Variants in GRXCR1 observed in about 807,000 individuals in gnomAD.
GRXCR1 encodes glutaredoxin and cysteine rich domain containing 1, also known as glutaredoxin domain-containing cysteine-rich protein 1.
GRXCR1 carries 27 observed loss-of-function variants against 27.3 expected under a neutral mutation model. The observed-to-expected ratio is 0.99, with a 90% CI of 0.73 to 1.37. GRXCR1 has a LOEUF of 1.37. Among genes scored for constraint, GRXCR1 ranks in the 40% most tolerant of loss-of-function variants. GRXCR1 has a pLI of 0.00. For synonymous variants in GRXCR1, 122 were observed against 131.1 expected (o/e 0.93, Z 0.47); for missense variants, 379 against 354.4 (o/e 1.07, Z -0.56).
At chr4:42,947,471 G>A (rs1747770609) in intron 1 of GRXCR1, among the ~76,000 whole-genome samples, 1 of 152,144 alleles carries the variant, frequency 6.6e-6, no homozygotes, top group African/African-American at 2.4e-5. Context: ...GATTATGGCA[G>A]TACATTCAAT....
intron 1 of GRXCR1, among the ~76,000 whole-genome samples, chr4:42,903,680 C>A (rs901488015): frequency 1.3e-4 from 19 of 147,346 alleles, no homozygotes; most frequent in Non-Finnish European, 2.4e-4. Context: ...TTTCTTTTTT[C>A]CCCTAAATTT....
chr4:42,975,975 G>A (rs529313603), intron 2 of GRXCR1, among the ~76,000 whole-genome samples: 1 of 152,196 alleles, frequency 6.6e-6, no homozygotes, highest in African/African-American at 2.4e-5. Flanking sequence ...CCAAGGAACA[G>A]CTTCACGTAC....
At chr4:42,913,907 A>G (rs1746826015) in intron 1 of GRXCR1, among the ~76,000 whole-genome samples, 1 of 152,212 alleles carries the variant, frequency 6.6e-6, no homozygotes, top group African/African-American at 2.4e-5. Flanking sequence ...ATTGCTTCAG[A>G]GGATGAAAGC....
At chr4:42,908,339 C>T (rs1041857701) in intron 1 of GRXCR1, among the ~76,000 whole-genome samples, 3 of 152,138 alleles carry the variant, frequency 2.0e-5, no homozygotes, top group Non-Finnish European at 4.4e-5. Context: ...CTACCAGGGC[C>T]GAGGTCATGC....
At chr4:42,996,725 G>T (rs914236542) in intron 2 of GRXCR1, among the ~76,000 whole-genome samples, 5 of 151,826 alleles carry the variant, frequency 3.3e-5, no homozygotes, top group Admixed American at 3.3e-4. Flanking sequence ...TTTTGAAGAT[G>T]ACTCTGTAGT....
chr4:42,959,272 T>TA lies in GRXCR1; in HGVS notation c.385-3618dup, dbSNP rs534876514. On this transcript the variant is annotated intron_variant, in intron 1 of 3. Transcript: ENST00000399770. ...ATGAAACAGATATTGCTATTTGTGA[T>TA]AACATAGATGAACCTAGGGAATATT... Among the ~76,000 whole-genome samples, 461 of 152,080 alleles carry TA rather than the reference T, an allele frequency of 3.0e-3. 3 individuals carry two copies. Among genetic ancestry groups the TA allele is most frequent in the African/African-American group, 0.011 (437 of 41,542 alleles).
intron 1 of GRXCR1, among the ~76,000 whole-genome samples, chr4:42,947,638 C>A (rs1164114071): frequency 1.3e-5 from 2 of 152,088 alleles, no homozygotes; most frequent in Non-Finnish European, 2.9e-5. Context: ...ATGGCTAAAT[C>A]TCCAAAATCT....
At chr4:43,025,202 G>A (rs536710551) in intron 3 of GRXCR1, among the ~76,000 whole-genome samples, 1 of 152,072 alleles carries the variant, frequency 6.6e-6, no homozygotes, top group African/African-American at 2.4e-5. Flanking sequence ...GTCGTTTGTC[G>A]TTTTTGTCCT....
At chr4:43,026,998 C>A (rs1474214829) in intron 3 of GRXCR1, among the ~76,000 whole-genome samples, 1 of 152,140 alleles carries the variant, frequency 6.6e-6, no homozygotes, top group African/African-American at 2.4e-5. Flanking sequence ...CTTACAGTGG[C>A]AAAACCTTAA....
At position 43,030,567 on chromosome 4, in the gene GRXCR1, C is replaced by T. The variant is rs936976044; in HGVS notation, c.*27C>T. 2.0e-5 allele frequency: 31 copies of T among 1,586,780 alleles called. No homozygotes were observed. The highest frequency in any genetic ancestry group is 8.3e-5 in the Admixed American group (5 of 59,962). On this transcript the variant is annotated 3_prime_UTR_variant, in exon 4 of 4. Transcript: ENST00000399770. ...TGGAGCTTCTACCCAGGAAAAACCT[C>T]ATTTTATTAATCAAAGGCAATACTT...
intron 2 of GRXCR1, among the ~76,000 whole-genome samples, chr4:42,977,667 T>C (rs1748555437): frequency 6.6e-6 from 1 of 152,000 alleles, no homozygotes; most frequent in South Asian, 2.1e-4. Flanking sequence ...TAAAAAAAAT[T>C]GTTGAGTTTT....
intron 1 of GRXCR1, among the ~76,000 whole-genome samples, chr4:42,912,620 C>G (rs568891286): frequency 1.3e-5 from 2 of 152,236 alleles, no homozygotes; most frequent in Admixed American, 1.3e-4. Flanking sequence ...AGTGACAAGA[C>G]CATTATATAT....
At chr4:42,895,897 C>A (rs941964490) in intron 1 of GRXCR1, among the ~76,000 whole-genome samples, 14 of 152,024 alleles carry the variant, frequency 9.2e-5, no homozygotes, top group African/African-American at 3.1e-4. Flanking sequence ...TTTTCCATAT[C>A]CCTTGCAAAG....
chr4:42,966,383 A>G (rs1748238557), intron 2 of GRXCR1, among the ~76,000 whole-genome samples: 2 of 152,082 alleles, frequency 1.3e-5, no homozygotes, highest in South Asian at 2.1e-4. Context: ...TAGAAGGGCT[A>G]TTGATAAAAA....
intron 2 of GRXCR1, among the ~76,000 whole-genome samples, chr4:43,017,191 C>A (rs1488171262): frequency 6.6e-6 from 1 of 152,236 alleles, no homozygotes; most frequent in Non-Finnish European, 1.5e-5. Flanking sequence ...GGAGTCACTG[C>A]AGTGAAAGCC....
At chr4:42,939,277 A>G (rs1747543996) in intron 1 of GRXCR1, among the ~76,000 whole-genome samples, 1 of 152,024 alleles carries the variant, frequency 6.6e-6, no homozygotes, top group Non-Finnish European at 1.5e-5. Context: ...TGTAAATGAT[A>G]TTACTTCCTT....
chr4:42,985,343 G>A (rs1711681315), intron 2 of GRXCR1, among the ~76,000 whole-genome samples: 1 of 152,106 alleles, frequency 6.6e-6, no homozygotes. Context: ...GATATAACCT[G>A]CAACATGTTT....
intron 1 of GRXCR1, among the ~76,000 whole-genome samples, chr4:42,958,244 A>T (rs1408286286): frequency 6.6e-6 from 1 of 152,074 alleles, no homozygotes; most frequent in Non-Finnish European, 1.5e-5. Context: ...TAAACAAGAA[A>T]TGAGGACTCC....
intron 2 of GRXCR1, among the ~76,000 whole-genome samples, chr4:43,014,917 G>A (rs988291757): frequency 1.3e-5 from 2 of 152,150 alleles, no homozygotes; most frequent in African/African-American, 4.8e-5. Flanking sequence ...CACTGGACTT[G>A]CTGTGCAGTG....
Sources: allele counts gnomAD v4.1 joint callset (sites outside exome capture counted in the v4.1 genomes callset), GRCh38; gene constraint gnomAD v4.1.1; transcripts MANE v1.5; gene names NCBI Gene and HGNC (gene_info 2026-07-23, HGNC 2026-07-21).